DOCK1: variants seen among roughly 807,000 people sequenced by gnomAD.
DOCK1 encodes the protein dedicator of cytokinesis 1.
DOCK1 carries 138 observed loss-of-function variants against 262.7 expected under a neutral mutation model. The ratio of observed to expected loss-of-function variants is 0.53; its 90% CI spans 0.46 to 0.61. The LOEUF is 0.61. Ranked by LOEUF, DOCK1 falls within the 20% of genes least tolerant of loss-of-function variation. The probability of loss-of-function intolerance (pLI) is 0.00; values close to 1 mark genes in which losing one functional copy is unlikely to be tolerated. For missense variants in DOCK1, 1,908 were observed against 2,370.7 expected, an observed-to-expected ratio of 0.80 and a Z score of 4.05; for synonymous variants, 866 against 867.4, an observed-to-expected ratio of 1.00 and a Z score of 0.03.
chr10:127,387,176 G>A (rs974985946), intron 38 of DOCK1, among the ~76,000 whole-genome samples: 5 of 152,182 alleles, frequency 3.3e-5, no homozygotes, highest in Admixed American at 6.5e-5. Context: ...TCTGACCAGC[G>A]TTGGCTCCCG....
chr10:126,907,326 G>T (rs551106576), intron 1 of DOCK1, among the ~76,000 whole-genome samples: 1 of 152,100 alleles, frequency 6.6e-6, no homozygotes, highest in African/African-American at 2.4e-5. Context: ...GCATCCCATA[G>T]CCCTGGCCCT....
chr10:127,247,971 C>T, intron 27 of DOCK1, 37 bp from the exon 28 acceptor site: 1 of 1,596,848 alleles, frequency 6.3e-7, no homozygotes, highest in Non-Finnish European at 8.6e-7. Flanking sequence ...GAGTGTTGCT[C>T]TGTCTCATCT....
At chr10:127,411,173 G>A (rs573860801) in intron 43 of DOCK1, among the ~76,000 whole-genome samples, 1 of 152,304 alleles carries the variant, frequency 6.6e-6, no homozygotes, top group South Asian at 2.1e-4. Flanking sequence ...AAATGCCGGA[G>A]CTCCCATATG....
intron 27 of DOCK1, among the ~76,000 whole-genome samples, chr10:127,191,784 T>C (rs1288308587): frequency 6.6e-6 from 1 of 152,214 alleles, no homozygotes; most frequent in Non-Finnish European, 1.5e-5. Context: ...GCCATCAGCC[T>C]GTGCTTTTTC....
intron 31 of DOCK1, among the ~76,000 whole-genome samples, chr10:127,353,938 T>C (rs2064012032): frequency 6.6e-6 from 1 of 152,246 alleles, no homozygotes; most frequent in African/African-American, 2.4e-5. Context: ...CAGAGCAGGC[T>C]CGATGACACA....
chr10:127,185,082 G>C (rs1326794958), intron 27 of DOCK1, among the ~76,000 whole-genome samples: 1 of 152,182 alleles, frequency 6.6e-6, no homozygotes, highest in Non-Finnish European at 1.5e-5. Flanking sequence ...GGCTCTACCT[G>C]GGAGATGTGC....
chr10:126,941,552 C>T (rs978424369), intron 1 of DOCK1, among the ~76,000 whole-genome samples: 11 of 152,234 alleles, frequency 7.2e-5, no homozygotes, highest in South Asian at 2.1e-4. Context: ...GTCAGGAGAT[C>T]GAGACCATCC....
At chr10:127,440,403 A>T (rs969457241) in intron 49 of DOCK1, among the ~76,000 whole-genome samples, 1 of 152,144 alleles carries the variant, frequency 6.6e-6, no homozygotes, top group African/African-American at 2.4e-5. Context: ...GGCACAGCCC[A>T]CTTCCAGGGC....
chr10:126,969,337 G>A lies in DOCK1; in HGVS notation c.47-1365G>A, dbSNP rs544212421. ...GAGACCATGAACGTGAACACCAGGAGGCTGCGTGCGCCTGAAATTCTGGAC... is the reference window on the plus strand; with the variant it reads ...GAGACCATGAACGTGAACACCAGGAAGCTGCGTGCGCCTGAAATTCTGGAC... On this transcript the variant is annotated intron_variant, in intron 1 of 51. Coordinates refer to ENST00000623213, the MANE Select transcript of DOCK1 (RefSeq NM_001290223.2). 3.3e-5 allele frequency among the ~76,000 whole-genome samples: 5 copies of A among 152,334 alleles called. No homozygotes were observed. The East Asian group carries it at 9.7e-4, about 29-fold the overall frequency.
At chr10:126,931,089 G>A (rs1488516928) in intron 1 of DOCK1, among the ~76,000 whole-genome samples, 4 of 152,010 alleles carry the variant, frequency 2.6e-5, no homozygotes, top group Admixed American at 6.6e-5. Flanking sequence ...GTTGCTGCAC[G>A]CCCACCGAGC....
chr10:127,039,142 G>A (rs914159132), intron 19 of DOCK1, among the ~76,000 whole-genome samples: 6 of 152,166 alleles, frequency 3.9e-5, no homozygotes, highest in Non-Finnish European at 5.9e-5. Context: ...TTCCTGAATC[G>A]TATAACTCTT....
intron 27 of DOCK1, among the ~76,000 whole-genome samples, chr10:127,202,649 A>T (rs1261941697): frequency 1.3e-5 from 2 of 152,192 alleles, no homozygotes; most frequent in Non-Finnish European, 2.9e-5. Context: ...CCCTGACTGA[A>T]TATGAGACTT....
In DOCK1 at chr10:127,409,095, G is replaced by A. The variant is rs1473117477; in HGVS notation, c.4181G>A (p.Arg1394Gln). The A allele has an allele frequency of 5.6e-6, 9 of 1,603,514 alleles. No individual in the cohort carries two copies. Among genetic ancestry groups the A allele is most frequent in the Admixed American group, 3.4e-5 (2 of 58,388 alleles). Residue 1394 changes from arginine to glutamine, a missense_variant, in exon 41 of 52, where the codon CGG becomes CAG. By Grantham distance (43) the Arg-to-Gln change is conservative. Coordinates refer to ENST00000623213, the MANE Select transcript of DOCK1 (RefSeq NM_001290223.2). ...GAGCGCCGGGAAGATTTTGAGGCTCGGCTCTTAACTCAGTTTCCAAACGCC... is the reference window on the plus strand; with the variant it reads ...GAGCGCCGGGAAGATTTTGAGGCTCAGCTCTTAACTCAGTTTCCAAACGCC... ...EYERREDFEA[R>Q]LLTQFPNAEK... is the part of the protein sequence containing the mutation.
intron 27 of DOCK1, among the ~76,000 whole-genome samples, chr10:127,238,497 G>A (rs1208619618): frequency 1.3e-5 from 2 of 152,036 alleles, no homozygotes; most frequent in East Asian, 1.9e-4. Flanking sequence ...TCTTCATTCC[G>A]TGTTTTTTTG....
chr10:127,442,289 A>G (rs549905873), intron 49 of DOCK1, among the ~76,000 whole-genome samples: 12 of 152,188 alleles, frequency 7.9e-5, no homozygotes, highest in African/African-American at 2.4e-4. Flanking sequence ...ATTGAAGCCT[A>G]TGTGCTCTGT....
chr10:127,302,741 G>GGGT lies in DOCK1; in HGVS notation c.3045-36264_3045-36263insGTG, dbSNP rs2061728423. Among the ~76,000 whole-genome samples the GGGT allele has an allele frequency of 7.4e-5, 8 of 108,166 alleles. No homozygotes were observed. In the South Asian group the frequency reaches 2.3e-3, roughly 31 times the overall value. The allele number at this position is 108,166 out of a possible 152,430, so 71.0% of individuals were successfully genotyped here. ...CTTTTCCTAACTCTGGAAAAGAGGGGGTGTGTGTGTGTGTGTGTGTGTGTG... is the reference window on the plus strand; with the variant it reads ...CTTTTCCTAACTCTGGAAAAGAGGGGGGTGTGTGTGTGTGTGTGTGTGTGTGTG... On this transcript the variant is annotated intron_variant, in intron 29 of 51. Coordinates refer to ENST00000623213, the MANE Select transcript of DOCK1 (RefSeq NM_001290223.2).
At chr10:127,196,640 G>A (rs1263290275) in intron 27 of DOCK1, among the ~76,000 whole-genome samples, 1 of 147,488 alleles carries the variant, frequency 6.8e-6, no homozygotes, top group Non-Finnish European at 1.5e-5. Context: ...GGCCGGGCCG[G>A]GCCGGGCCGC....
At chr10:127,357,720 A>G (rs2064212131) in intron 32 of DOCK1, among the ~76,000 whole-genome samples, 1 of 152,224 alleles carries the variant, frequency 6.6e-6, no homozygotes, top group Non-Finnish European at 1.5e-5. Context: ...AGGGACTTGG[A>G]AACAACAAGA....
chr10:126,933,765 C>T (rs984518091), intron 1 of DOCK1, among the ~76,000 whole-genome samples: 10 of 152,116 alleles, frequency 6.6e-5, no homozygotes, highest in Admixed American at 3.3e-4. Context: ...GCCATTTGAA[C>T]CTCTCCAACA....
Sources: allele counts gnomAD v4.1 joint callset (sites outside exome capture counted in the v4.1 genomes callset), GRCh38; gene constraint gnomAD v4.1.1; transcripts MANE v1.5; gene names NCBI Gene and HGNC (gene_info 2026-07-23, HGNC 2026-07-21).